The following SYTL2 variants were observed in gnomAD, a reference collection of about 807,000 sequenced individuals.
SYTL2 encodes synaptotagmin like 2.
Under a neutral mutation model 198.7 loss-of-function variants are expected in SYTL2, and 165 were observed. The ratio of observed to expected loss-of-function variants is 0.83; its 90% CI spans 0.73 to 0.94. The LOEUF (loss-of-function observed/expected upper bound fraction) is 0.94. SYTL2 is among the 40% of genes least tolerant of loss of function. SYTL2 has a pLI of 0.00. For missense variants in SYTL2, 2,835 were observed against 2,582.8 expected (o/e 1.10, Z -2.12); for synonymous variants, 966 against 917.7 (o/e 1.05, Z -0.95).
rs757951203 is a variant in SYTL2, at chr11:85,718,842, A to T, written c.5430T>A (p.Asn1810Lys). The T allele has an allele frequency of 2.5e-6, 4 of 1,613,772 alleles. No individual in the cohort carries two copies. ...CTGGCTGATTATCTACTTTTGCTTG[A>T]TCTGTTCAGAAGAAATTAACAAATG... The part of the protein sequence containing the change: ...SLEDISSDSS[N>K]QAKVDNQPEE... The change falls in exon 10 of 20, where the codon AAT (asparagine) becomes AAA (lysine). Residue 1810 changes from asparagine (N) to lysine (K), a missense_variant and splice_region_variant. This residue lies in a region of SYTL2 where 2,645 missense variants were observed against 2,381.7 expected (regional missense o/e 1.11). Transcript: ENST00000359152.
At chr11:85,789,350 A>ATATATATATG (rs2092690466) in intron 1 of SYTL2, among the ~76,000 whole-genome samples, 10 of 38,232 alleles carry the variant, frequency 2.6e-4, no homozygotes, top group Non-Finnish European at 4.3e-4. Context: ...GTATATATAT[A>ATATATATATG]TATATATATA....
At chr11:85,706,888 T>C (rs373920070) in intron 15 of SYTL2, among the ~76,000 whole-genome samples, 14 of 152,084 alleles carry the variant, frequency 9.2e-5, no homozygotes, top group Non-Finnish European at 1.8e-4. Flanking sequence ...TCACCCATGC[T>C]GGAGTGCAGT....
At chr11:85,833,056 A>G in the SYTL2 span, among the ~76,000 whole-genome samples, 1 of 36,952 alleles carries the variant, frequency 2.7e-5, no homozygotes, top group Non-Finnish European at 5.9e-5. Context: ...AGAAAGAAAG[A>G]AAGAAAGAAA....
At chr11:85,845,599 CA>C in the SYTL2 span, among the ~76,000 whole-genome samples, 29 of 150,318 alleles carry the variant, frequency 1.9e-4, no homozygotes, top group Admixed American at 8.6e-4. Flanking sequence ...CTGGTCTCTA[CA>C]AAAAAAAATT....
chr11:85,838,883 A>G, the SYTL2 span, among the ~76,000 whole-genome samples: 24,018 of 152,158 alleles, frequency 0.16, 2,075 homozygotes, highest in Middle Eastern at 0.2. Flanking sequence ...TCAAGATGTA[A>G]AACATTTAAA....
chr11:85,822,496 T>C, the SYTL2 span, among the ~76,000 whole-genome samples: 1 of 151,956 alleles, frequency 6.6e-6, no homozygotes, highest in African/African-American at 2.4e-5. Context: ...CCAAATTAGA[T>C]GAACCCCTGC....
At chr11:85,748,477 T>A in intron 2 of SYTL2, 54 bp from the exon 3 acceptor site, 1 of 1,580,466 alleles carries the variant, frequency 6.3e-7, no homozygotes, top group Non-Finnish European at 8.7e-7. Flanking sequence ...AATAAATGAG[T>A]TCATTATGAC....
intron 1 of SYTL2, among the ~76,000 whole-genome samples, chr11:85,782,016 G>A: frequency 6.6e-6 from 1 of 152,178 alleles, no homozygotes; most frequent in Admixed American, 6.5e-5. Flanking sequence ...GCCCCAGTGG[G>A]GACTGGGTGT....
the SYTL2 span, among the ~76,000 whole-genome samples, chr11:85,827,263 G>A: frequency 6.6e-6 from 1 of 152,152 alleles, no homozygotes; most frequent in African/African-American, 2.4e-5. Context: ...GCCCTCTGAG[G>A]CCCCTAGGTG....
chr11:85,827,452 C>A, the SYTL2 span, among the ~76,000 whole-genome samples: 1 of 152,216 alleles, frequency 6.6e-6, no homozygotes, highest in Non-Finnish European at 1.5e-5. Flanking sequence ...TCAGTCTTCA[C>A]AATATGCCAT....
At chr11:85,787,304 A>T (rs1410489895) in intron 1 of SYTL2, among the ~76,000 whole-genome samples, 1 of 152,058 alleles carries the variant, frequency 6.6e-6, no homozygotes, top group African/African-American at 2.4e-5. Context: ...GCTCAATGTC[A>T]CCCTCACTAG....
chr11:85,747,154 GC>G (rs746702913), intron 3 of SYTL2, among the ~76,000 whole-genome samples: 7 of 152,126 alleles, frequency 4.6e-5, no homozygotes, highest in Non-Finnish European at 1.0e-4. Flanking sequence ...TTTTAAACAA[GC>G]CCTCAAAAGA....
intron 7 of SYTL2, among the ~76,000 whole-genome samples, chr11:85,732,708 G>T (rs141599733): frequency 0.019 from 2,921 of 152,104 alleles, 56 homozygotes; most frequent in Admixed American, 0.036. Context: ...AAACCTGCAC[G>T]TTCTTCACAT....
intron 1 of SYTL2, among the ~76,000 whole-genome samples, chr11:85,800,252 C>T (rs1014929469): frequency 4.6e-5 from 7 of 152,084 alleles, no homozygotes; most frequent in Non-Finnish European, 8.8e-5. Context: ...AGTCCAGGTT[C>T]AAAGGTCTAG....
chr11:85,804,333 AACAGT>A (rs1431773397), intron 1 of SYTL2, among the ~76,000 whole-genome samples: 1 of 152,176 alleles, frequency 6.6e-6, no homozygotes, highest in Non-Finnish European at 1.5e-5. Context: ...TAATTTCATG[AACAGT>A]AGAGCAGAAT....
the SYTL2 span, among the ~76,000 whole-genome samples, chr11:85,830,171 C>T: frequency 7.5e-3 from 1,143 of 152,282 alleles, 8 homozygotes; most frequent in Middle Eastern, 0.027. Context: ...AGTACCACTC[C>T]GGAGTTTCTG....
rs1201635573 is a variant in SYTL2 at position 85,714,510 on chromosome 11, A to G, written c.5531-3T>C. On this transcript the variant is annotated splice_polypyrimidine_tract_variant and splice_region_variant and intron_variant, in intron 11 of 19. Transcript: ENST00000359152. ...AGGTTGTGTAGGCACTGTGGAAACT[A>G]AACAGCAGCATTTCCATTTCAAAAT... is the stretch of plus-strand genomic sequence containing the variant. The G allele has an allele frequency of 1.2e-6, 2 of 1,609,526 alleles. No homozygotes were observed. The highest frequency in any genetic ancestry group is 2.7e-5 in the African/African-American group (2 of 74,818).
chr11:85,723,101 G>A (rs2088600643), intron 8 of SYTL2, among the ~76,000 whole-genome samples: 1 of 152,188 alleles, frequency 6.6e-6, no homozygotes, highest in Non-Finnish European at 1.5e-5. Flanking sequence ...TAATCAGGTA[G>A]CTTCTCATTC....
Position 85,724,162 on chromosome 11 carries a change from A to T in SYTL2, c.5196T>A (p.Ser1732Arg). 6.2e-7 allele frequency: 1 copy of T among 1,604,418 alleles called. No homozygotes were observed. The highest frequency in any genetic ancestry group is 1.7e-4 in the Middle Eastern group (1 of 6,016). The change falls in exon 8 of 20, where the codon AGT (serine) becomes AGA (arginine). Residue 1732 changes from serine to arginine, a missense_variant. Coordinates refer to ENST00000359152, the MANE Select transcript of SYTL2 (RefSeq NM_206927.4). ...LMNKENSTKT[S>R]KVELTLASPY... ...GCGATGCTAGAGTCAATTCAACTTT[A>T]CTTGTTTTTGTAGAGTTTTCTTTGT...
Sources: gnomAD v4.1 joint callset for allele counts (sites outside exome capture counted in the v4.1 genomes callset) on GRCh38, gnomAD v4.1.1 for gene constraint, gnomAD v4.1.1 regional missense constraint, MANE v1.5 for transcripts, NCBI Gene and HGNC (gene_info 2026-07-23, HGNC 2026-07-21) for gene names.